The following SMCHD1 variants were observed in gnomAD, a reference collection of about 807,000 sequenced individuals.
SMCHD1 encodes structural maintenance of chromosomes flexible hinge domain containing 1.
A neutral mutation model predicts 254.7 loss-of-function variants in SMCHD1; 78 were observed. The observed-to-expected ratio is 0.31, with a 90% CI of 0.26 to 0.37. SMCHD1 has a LOEUF of 0.37. Ranked by LOEUF, SMCHD1 falls within the 10% of genes least tolerant of loss-of-function variation. The pLI, the probability that SMCHD1 is intolerant of heterozygous loss-of-function variation, is 1.00. For missense variants in SMCHD1, 1,840 were observed against 2,408.1 expected (o/e 0.76, Z 4.94); for synonymous variants, 766 against 794.9 (o/e 0.96, Z 0.61).
At chr18:2,656,329 C>T (rs1017396661) in intron 1 of SMCHD1, 68 bp downstream of exon 1, 3 of 1,327,862 alleles carry the variant, frequency 2.3e-6, no homozygotes, top group Admixed American at 3.7e-5. Context: ...AGAAACTCAA[C>T]TTGCTCACTG....
intron 17 of SMCHD1, among the ~76,000 whole-genome samples, chr18:2,708,124 AT>A (rs1445341310): frequency 6.6e-6 from 1 of 152,014 alleles, no homozygotes; most frequent in Admixed American, 6.6e-5. Context: ...TTCATCTTGA[AT>A]TTTTTCATGT....
intron 21 of SMCHD1, among the ~76,000 whole-genome samples, chr18:2,725,795 T>G (rs570319983): frequency 6.6e-6 from 1 of 151,950 alleles, no homozygotes; most frequent in Non-Finnish European, 1.5e-5. Context: ...AATTTGACTT[T>G]AGTAAGATAA....
At chr18:2,706,560 G>GT in intron 15 of SMCHD1, 90 bp downstream of exon 15, 5 of 861,984 alleles carry the variant, frequency 5.8e-6, no homozygotes, top group Non-Finnish European at 9.1e-6. Context: ...TTACTCTGCT[G>GT]TTAGGGCATT....
intron 37 of SMCHD1, among the ~76,000 whole-genome samples, chr18:2,764,557 A>G (rs1227887454): frequency 6.6e-6 from 1 of 152,116 alleles, no homozygotes; most frequent in Non-Finnish European, 1.5e-5. Flanking sequence ...AGCCCCCCAT[A>G]TCCGTGGGTT....
intron 34 of SMCHD1, among the ~76,000 whole-genome samples, chr18:2,755,565 CT>C (rs11413061): frequency 0.039 from 4,206 of 108,064 alleles, 152 homozygotes; most frequent in African/African-American, 0.15. Flanking sequence ...TTCTTTCTTT[CT>C]TTTTTTTTTT....
intron 33 of SMCHD1, 38 bp downstream of exon 33, chr18:2,751,431 T>C (rs1458715497): frequency 8.6e-7 from 1 of 1,165,018 alleles, no homozygotes; most frequent in South Asian, 1.4e-5. Flanking sequence ...TTAAAAATAG[T>C]TCTTACATTT....
At chr18:2,799,981 C>T (rs8099379) in intron 47 of SMCHD1, among the ~76,000 whole-genome samples, 12 of 151,868 alleles carry the variant, frequency 7.9e-5, no homozygotes, top group African/African-American at 1.9e-4. Flanking sequence ...CTTCTATGTC[C>T]GAAAAATGTC....
At chr18:2,672,648 A>T (rs2073642384) in intron 3 of SMCHD1, among the ~76,000 whole-genome samples, 1 of 152,258 alleles carries the variant, frequency 6.6e-6, no homozygotes, top group African/African-American at 2.4e-5. Context: ...AATAGTGTGA[A>T]TAGTGACCTT....
At chr18:2,726,567 T>A in intron 22 of SMCHD1, 43 bp downstream of exon 22, 1 of 1,024,222 alleles carries the variant, frequency 9.8e-7, no homozygotes, top group Non-Finnish European at 1.4e-6. Context: ...AATAATTTTC[T>A]TATGTTAAAG....
intron 1 of SMCHD1, among the ~76,000 whole-genome samples, chr18:2,661,602 G>A (rs989997925): frequency 9.2e-5 from 14 of 151,862 alleles, no homozygotes; most frequent in Admixed American, 3.9e-4. Context: ...ACATCTGTGG[G>A]TTTTTAATAT....
intron 44 of SMCHD1, among the ~76,000 whole-genome samples, chr18:2,779,475 G>C (rs910837736): frequency 6.6e-6 from 1 of 152,138 alleles, no homozygotes; most frequent in Non-Finnish European, 1.5e-5. Context: ...ATCTTTCAGA[G>C]GTCTTAACAA....
chr18:2,715,721 G>T (rs1306875262), intron 17 of SMCHD1, among the ~76,000 whole-genome samples: 1 of 152,062 alleles, frequency 6.6e-6, no homozygotes, highest in East Asian at 1.9e-4. Context: ...AGTGGGCATG[G>T]TAATATATAC....
intron 1 of SMCHD1, among the ~76,000 whole-genome samples, chr18:2,664,658 A>G (rs527884698): frequency 6.6e-6 from 1 of 152,354 alleles, no homozygotes; most frequent in African/African-American, 2.4e-5. Flanking sequence ...ATGGCATTAC[A>G]CTGGGAGGCA....
chr18:2,678,102 T>C (rs536170103), intron 5 of SMCHD1, among the ~76,000 whole-genome samples: 3 of 152,344 alleles, frequency 2.0e-5, no homozygotes, highest in Admixed American at 6.5e-5. Flanking sequence ...GTGATCGTTA[T>C]ACATTATAGC....
rs181711904 is a variant in SMCHD1, at chr18:2,686,309, G to C, written c.639-2085G>C. Among the ~76,000 whole-genome samples, 17 of 152,264 alleles carry C rather than the reference G, an allele frequency of 1.1e-4. No homozygotes were observed. In the East Asian group the frequency reaches 2.1e-3, roughly 19 times the overall value. On this transcript the variant is annotated intron_variant, in intron 5 of 47. Coordinates refer to ENST00000320876, the MANE Select transcript of SMCHD1 (RefSeq NM_015295.3). ...ATGCTGCTGGAACATTTCAGATGTTGCATTTTCAGACTTGGGATGCTCAGG... is the reference window on the plus strand; with the variant it reads ...ATGCTGCTGGAACATTTCAGATGTTCCATTTTCAGACTTGGGATGCTCAGG...
At chr18:2,764,560 C>T (rs879642390) in intron 37 of SMCHD1, among the ~76,000 whole-genome samples, 5 of 152,086 alleles carry the variant, frequency 3.3e-5, no homozygotes, top group South Asian at 2.1e-4. Flanking sequence ...CCCCCATATC[C>T]GTGGGTTTCA....
At chr18:2,780,169 G>A (rs1211359728) in intron 44 of SMCHD1, among the ~76,000 whole-genome samples, 2 of 147,702 alleles carry the variant, frequency 1.4e-5, no homozygotes, top group African/African-American at 5.0e-5. Flanking sequence ...ATCCTGGGAG[G>A]TGGAGGTTGC....
intron 5 of SMCHD1, among the ~76,000 whole-genome samples, chr18:2,680,102 ACTTT>A (rs141131450): frequency 0.018 from 2,726 of 152,092 alleles, 41 homozygotes; most frequent in Middle Eastern, 0.099. Flanking sequence ...CATTTCTTAT[ACTTT>A]CTTTTAGTTC....
chr18:2,751,568 T>C (rs1598404347), intron 33 of SMCHD1, among the ~76,000 whole-genome samples, 175 bp downstream of exon 33: 1 of 152,182 alleles, frequency 6.6e-6, no homozygotes, highest in South Asian at 2.1e-4. Context: ...AAATTAAAGA[T>C]TGATGCTATT....
Sources: gnomAD v4.1 joint callset for allele counts (sites outside exome capture counted in the v4.1 genomes callset) on GRCh38, gnomAD v4.1.1 for gene constraint, MANE v1.5 for transcripts, NCBI Gene and HGNC (gene_info 2026-07-23, HGNC 2026-07-21) for gene names.